TGFBR3L: variants seen among roughly 807,000 people sequenced by gnomAD.
TGFBR3L encodes the protein transforming growth factor-beta receptor type 3-like protein.
TGFBR3L carries 21 observed loss-of-function variants against 20.4 expected under a neutral mutation model. The observed-to-expected ratio is 1.03, with a 90% CI of 0.73 to 1.48. The LOEUF is 1.48. TGFBR3L is among the 40% of genes most tolerant of loss of function. The pLI is 0.00. For missense variants in TGFBR3L, 479 were observed against 498.0 expected (o/e 0.96, Z 0.36); for synonymous variants, 245 against 244.2 (o/e 1.00, Z -0.03).
At position 7,915,022 on chromosome 19, in the gene TGFBR3L, T is replaced by A. The variant is rs1453521988; in HGVS notation, c.-1246T>A. On this transcript the variant is annotated 5_prime_UTR_variant, in exon 1 of 6. Transcript: ENST00000565886. ...TGGAGTCTTGCTCTGCCACGCAGGC[T>A]GGAGTGCAGTGGCGCAATCTCCACT... Among the ~76,000 whole-genome samples the A allele has an allele frequency of 6.6e-6, 1 of 152,304 alleles. No homozygotes were observed. Among genetic ancestry groups the A allele is most frequent in the African/African-American group, 2.4e-5 (1 of 41,550 alleles).
At position 7,916,613 on chromosome 19, in the gene TGFBR3L, G is replaced by GTCCCCCAGGCGGCCTTGGCCCGTCCC; in HGVS notation, c.277-3_299dup. 2.1e-6 allele frequency: 3 copies of GTCCCCCAGGCGGCCTTGGCCCGTCCC among 1,426,830 alleles called. No individual in the cohort carries two copies. The highest frequency in any genetic ancestry group is 1.8e-6 in the Non-Finnish European group (2 of 1,099,334). The allele number at this position is 1,426,830 out of a possible 1,614,324, so 88.4% of individuals were successfully genotyped here. On this transcript the variant is annotated splice_polypyrimidine_tract_variant and intron_variant, in intron 1 of 5. Coordinates refer to ENST00000565886, the MANE Select transcript of TGFBR3L (RefSeq NM_001195259.2). Reference sequence around the variant, plus strand: ...ACGGGCGATCCCTGATGGCGCCTCCGTCCCCCAGGCGGCCTTGGCCCGTCC... The same window carrying GTCCCCCAGGCGGCCTTGGCCCGTCCC: ...ACGGGCGATCCCTGATGGCGCCTCCGTCCCCCAGGCGGCCTTGGCCCGTCCCTCCCCCAGGCGGCCTTGGCCCGTCC...
intron 4 of TGFBR3L, 69 bp from the exon 6 acceptor site, chr19:7,917,988 C>A (rs1292665250): frequency 7.4e-6 from 11 of 1,490,720 alleles, no homozygotes; most frequent in South Asian, 1.3e-5. Context: ...CCCGCAGCAG[C>A]CCCCAGGGGC....
In TGFBR3L at chr19:7,918,068, C is replaced by A; in HGVS notation, c.895C>A (p.Pro299Thr). 6.5e-7 allele frequency: 1 copy of A among 1,535,708 alleles called. No homozygotes were observed. The highest frequency in any genetic ancestry group is 8.7e-7 in the Non-Finnish European group (1 of 1,146,710). The change falls in exon 5 of 6, where the codon CCT becomes ACT. Residue 299 changes from proline (P) to threonine (T), a missense_variant. Pro to Thr is a conservative substitution (Grantham distance 38). Coordinates refer to ENST00000565886, the MANE Select transcript of TGFBR3L (RefSeq NM_001195259.2). ...CCTCTCCCTTCCAGCGCCCCACGCC[C>A]CTGGCCCGCCCGCGAGAGCCTCGCC... is the stretch of plus-strand genomic sequence containing the variant.
chr19:7,918,781 G>C, intron 5 of TGFBR3L, 136 bp from the exon 7 acceptor site: 1 of 397,368 alleles, frequency 2.5e-6, no homozygotes, highest in Non-Finnish European at 4.4e-6. Flanking sequence ...ACTAGGCGAG[G>C]AGAACTCAGC....
chr19:7,917,789 G>A lies in TGFBR3L; in HGVS notation c.813G>A (p.Ala271=). The A allele has an allele frequency of 6.9e-7, 1 of 1,439,616 alleles. No individual in the cohort carries two copies. Among genetic ancestry groups the A allele is most frequent in the Non-Finnish European group, 9.1e-7 (1 of 1,104,190 alleles). The allele number at this position is 1,439,616 out of a possible 1,614,324, so 89.2% of individuals were successfully genotyped here. A position where few individuals can be genotyped will look rare whatever the true frequency, so the allele number is the denominator to read the frequency against. ...CCCTGGAACCCGCGCCGGTGGTGGCGCTGGTGTTGGCAGCCTTCGTGCTGG... is the reference window on the plus strand; with the variant it reads ...CCCTGGAACCCGCGCCGGTGGTGGCACTGGTGTTGGCAGCCTTCGTGCTGG... Residue 271 remains alanine, a synonymous_variant, in exon 4 of 6, where the codon GCG becomes GCA. Coordinates refer to ENST00000565886, the MANE Select transcript of TGFBR3L (RefSeq NM_001195259.2).
At chr19:7,918,223 G>T (rs1188106567) in intron 5 of TGFBR3L, 94 bp downstream of exon 6, 114 of 748,274 alleles carry the variant, frequency 1.5e-4, no homozygotes, top group Non-Finnish European at 2.0e-4. Context: ...TGGTTTTTTT[G>T]TTTGTTTGTT....
chr19:7,916,578 G>A (rs532150246), intron 1 of TGFBR3L, 35 bp downstream of exon 2: 1 of 1,442,428 alleles, frequency 6.9e-7, no homozygotes, highest in Non-Finnish European at 9.1e-7. Context: ...GCGGATGGGG[G>A]CCGGTGGGGA....
Position 7,916,220 on chromosome 19 carries a change from G to C in TGFBR3L, c.-48G>C. On this transcript the variant is annotated 5_prime_UTR_variant, in exon 1 of 6. Transcript: ENST00000565886. ...CTGGGCTGTGCGAGTCCCAGGGGTC[G>C]CCAGGGGGCACATCACCGTCAGGGG... is the stretch of plus-strand genomic sequence containing the variant. 6.6e-7 allele frequency: 1 copy of C among 1,510,752 alleles called. No individual in the cohort carries two copies. The highest frequency in any genetic ancestry group is 8.8e-7 in the Non-Finnish European group (1 of 1,132,858). 93.6% of individuals were successfully genotyped at this position (1,510,752 alleles called of 1,614,324 possible).
Position 7,916,169 on chromosome 19 carries a change from G to A in TGFBR3L, c.-99G>A, listed in dbSNP as rs978301382. The A allele has an allele frequency of 1.4e-6, 2 of 1,460,680 alleles. No homozygotes were observed. The highest frequency in any genetic ancestry group is 1.8e-6 in the Non-Finnish European group (2 of 1,108,638). 90.5% of individuals were successfully genotyped at this position (1,460,680 alleles called of 1,614,324 possible). On this transcript the variant is annotated 5_prime_UTR_variant, in exon 1 of 6. Coordinates refer to ENST00000565886, the MANE Select transcript of TGFBR3L (RefSeq NM_001195259.2). ...CAGCTTCGGAGGCTTCTCTAGGGGC[G>A]CATGGCTCTGCAACCGGCTCAGTTG...
Position 7,916,350 on chromosome 19 carries a change from G to A in TGFBR3L, c.83G>A (p.Gly28Asp), listed in dbSNP as rs1339705957. Residue 28 changes from glycine (G) to aspartate (D), a missense_variant, in exon 1 of 6, where the codon GGC becomes GAC. By Grantham distance (94) the Gly-to-Asp change is moderately conservative. Transcript: ENST00000565886. Reference sequence around the variant, plus strand: ...GGTGGTCGGGTCACTTTTCCCGGAGGCCTAAAGGGCAGCGCGCGTTTTCTC... The same window carrying A: ...GGTGGTCGGGTCACTTTTCCCGGAGACCTAAAGGGCAGCGCGCGTTTTCTC... The A allele has an allele frequency of 8.5e-6, 13 of 1,535,560 alleles. No homozygotes were observed. The highest frequency in any genetic ancestry group is 1.1e-5 in the Non-Finnish European group (13 of 1,146,788).
In TGFBR3L at chr19:7,916,742, G is replaced by A; in HGVS notation, c.397G>A (p.Asp133Asn). Residue 133 changes from aspartate to asparagine, a missense_variant, in exon 2 of 6, where the codon GAC (aspartate) becomes AAC (asparagine). By Grantham distance (23) the Asp-to-Asn change is conservative. Transcript: ENST00000565886. ...TCTGCTGCGTGAGGGCTGCCCCGCC[G>A]ACACCTCTGTCGCCTTCCCGCCACC... 1 of 1,490,972 alleles carries A rather than the reference G, an allele frequency of 6.7e-7. No homozygotes were observed. Among genetic ancestry groups the A allele is most frequent in the Non-Finnish European group, 8.9e-7 (1 of 1,126,952 alleles). The allele number at this position is 1,490,972 out of a possible 1,614,324, so 92.4% of individuals were successfully genotyped here.
At position 7,917,574 on chromosome 19, in the gene TGFBR3L, G is replaced by A; in HGVS notation, c.699G>A (p.Val233=). ...TGCACACGCTGACGCAGCCTATCGT[G>A]GTCACCGTGCCGCGGCCGCCCCCCA... is the stretch of plus-strand genomic sequence containing the variant. Residue 233 remains valine (V), a synonymous_variant, in exon 3 of 6, where the codon GTG becomes GTA. Transcript: ENST00000565886. The A allele has an allele frequency of 6.7e-7, 1 of 1,495,046 alleles. No individual in the cohort carries two copies. Among genetic ancestry groups the A allele is most frequent in the Non-Finnish European group, 8.9e-7 (1 of 1,125,808 alleles). The allele number at this position is 1,495,046 out of a possible 1,614,324, so 92.6% of individuals were successfully genotyped here.
Position 7,916,803 on chromosome 19 carries a change from G to A in TGFBR3L, c.458G>A (p.Arg153His). The A allele has an allele frequency of 2.0e-6, 3 of 1,484,530 alleles. No individual in the cohort carries two copies. The highest frequency in any genetic ancestry group is 2.8e-5 in the East Asian group (1 of 35,172). 92.0% of individuals were successfully genotyped at this position (1,484,530 alleles called of 1,614,324 possible). A position where few individuals can be genotyped will look rare whatever the true frequency, so the allele number is the denominator to read the frequency against. ...AGCCCGGGTGCCGCCCGCCCCGCGCGTTTCAGCTTCCGCCTGCGCCCGGTC... is the reference window on the plus strand; with the variant it reads ...AGCCCGGGTGCCGCCCGCCCCGCGCATTTCAGCTTCCGCCTGCGCCCGGTC... The change falls in exon 2 of 6, where the codon CGT (arginine) becomes CAT (histidine). Residue 153 changes from arginine to histidine, a missense_variant. By Grantham distance (29) the Arg-to-His change is conservative. Coordinates refer to ENST00000565886, the MANE Select transcript of TGFBR3L (RefSeq NM_001195259.2).
rs1358990886 is a variant in TGFBR3L, at chr19:7,916,020, C to T, written c.-248C>T. ...CCTATCTCCCCTTAGAAAGGGGAGC[C>T]GCCTGTCCTGCTGCGTCCCCAAGAG... On this transcript the variant is annotated 5_prime_UTR_variant, in exon 1 of 6. Coordinates refer to ENST00000565886, the MANE Select transcript of TGFBR3L (RefSeq NM_001195259.2). 4.8e-6 allele frequency: 3 copies of T among 622,244 alleles called. No homozygotes were observed. In the African/African-American group the frequency reaches 5.7e-5, roughly 12 times the overall value. The allele number at this position is 622,244 out of a possible 1,614,324, so 38.5% of individuals were successfully genotyped here. A position where few individuals can be genotyped will look rare whatever the true frequency, so the allele number is the denominator to read the frequency against.
chr19:7,916,884 G>C lies in TGFBR3L; in HGVS notation c.539G>C (p.Arg180Pro). The C allele has an allele frequency of 5.9e-6, 8 of 1,356,530 alleles. No individual in the cohort carries two copies. The highest frequency in any genetic ancestry group is 7.6e-6 in the Non-Finnish European group (8 of 1,058,376). The allele number at this position is 1,356,530 out of a possible 1,614,324, so 84.0% of individuals were successfully genotyped here. ...CAGCTGAGCCGCTGCCGCCGCCTCC[G>C]GGGAGTCCGCCGGGCGCCTGCGCCT... Residue 180 changes from arginine (R) to proline (P), a missense_variant, in exon 2 of 6, where the codon CGG becomes CCG. Physicochemically the swap from Arg to Pro is moderately radical, Grantham distance 103 (BLOSUM62 -2). Transcript: ENST00000565886.
chr19:7,917,012 A>T (rs1983342880), intron 2 of TGFBR3L, 70 bp downstream of exon 3: 3 of 1,182,222 alleles, frequency 2.5e-6, no homozygotes, highest in East Asian at 3.7e-5. Flanking sequence ...CGACTCTGGC[A>T]GTGGAAAGAG....
Position 7,918,042 on chromosome 19 carries a change from G to C in TGFBR3L, c.884-15G>C. On this transcript the variant is annotated splice_polypyrimidine_tract_variant and intron_variant, in intron 4 of 5. Coordinates refer to ENST00000565886, the MANE Select transcript of TGFBR3L (RefSeq NM_001195259.2). ...GCGCGCAGCAGCCCTTCTGCAGCTC[G>C]CCTCTCCCTTCCAGCGCCCCACGCC... 1 of 1,532,660 alleles carries C rather than the reference G, an allele frequency of 6.5e-7. No homozygotes were observed. Among genetic ancestry groups the C allele is most frequent in the Non-Finnish European group, 8.7e-7 (1 of 1,144,926 alleles). 94.9% of individuals were successfully genotyped at this position (1,532,660 alleles called of 1,614,324 possible).
chr19:7,917,404 C>T, intron 2 of TGFBR3L, 69 bp from the exon 4 acceptor site: 1 of 1,484,450 alleles, frequency 6.7e-7, no homozygotes, highest in Non-Finnish European at 8.9e-7. Context: ...TCTTGGGGGC[C>T]CTGGGGACCA....
chr19:7,916,362 G>C lies in TGFBR3L; in HGVS notation c.95G>C (p.Ser32Thr). The C allele has an allele frequency of 6.5e-7, 1 of 1,535,668 alleles. No individual in the cohort carries two copies. The highest frequency in any genetic ancestry group is 1.2e-5 in the South Asian group (1 of 84,064). Residue 32 changes from serine (S) to threonine (T), a missense_variant, in exon 1 of 6, where the codon AGC (serine) becomes ACC (threonine). Ser to Thr is a moderately conservative substitution (Grantham distance 58, BLOSUM62 1). Transcript: ENST00000565886. Reference sequence around the variant, plus strand: ...ACTTTTCCCGGAGGCCTAAAGGGCAGCGCGCGTTTTCTCTCCTTTGGGCCG... The same window carrying C: ...ACTTTTCCCGGAGGCCTAAAGGGCACCGCGCGTTTTCTCTCCTTTGGGCCG...
Sources: allele counts gnomAD v4.1 joint callset (sites outside exome capture counted in the v4.1 genomes callset), GRCh38; gene constraint gnomAD v4.1.1; transcripts MANE v1.5; gene names NCBI Gene and HGNC (gene_info 2026-07-23, HGNC 2026-07-21).